Variants in SORCS1 observed in about 807,000 individuals in gnomAD.
The protein encoded by SORCS1 is sortilin related VPS10 domain containing receptor 1.
In SORCS1, 60 loss-of-function variants were observed where a neutral mutation model predicts 146.1. The ratio of observed to expected loss-of-function variants is 0.41; its 90% CI spans 0.33 to 0.51. The LOEUF (loss-of-function observed/expected upper bound fraction) is 0.51, where lower values mean the gene tolerates loss of function less well. Among genes scored for constraint, SORCS1 ranks in the 20% least tolerant of loss-of-function variants. SORCS1 has a pLI of 0.21. For synonymous variants in SORCS1, 637 were observed against 584.0 expected (o/e 1.09, Z -1.31); for missense variants, 1,352 against 1,487.6 (o/e 0.91, Z 1.50).
intron 4 of SORCS1, among the ~76,000 whole-genome samples, chr10:106,772,670 T>G (rs954833406): frequency 6.6e-6 from 1 of 152,166 alleles, no homozygotes; most frequent in Non-Finnish European, 1.5e-5. Flanking sequence ...TCTTCCCTGA[T>G]TAAAACCACC....
chr10:106,957,324 C>A (rs1427846232), intron 1 of SORCS1, among the ~76,000 whole-genome samples: 1 of 151,892 alleles, frequency 6.6e-6, no homozygotes, highest in Non-Finnish European at 1.5e-5. Context: ...CAGTTGCCCA[C>A]CACCACGCCC....
intron 2 of SORCS1, among the ~76,000 whole-genome samples, chr10:106,896,852 T>C (rs1951498989): frequency 6.6e-6 from 1 of 151,716 alleles, no homozygotes; most frequent in Non-Finnish European, 1.5e-5. Flanking sequence ...TCTGACACAT[T>C]ACTCACTCCA....
At chr10:106,755,398 C>T (rs1183468556) in intron 5 of SORCS1, among the ~76,000 whole-genome samples, 2 of 152,164 alleles carry the variant, frequency 1.3e-5, no homozygotes, top group African/African-American at 4.8e-5. Flanking sequence ...GGGATAATAA[C>T]CGCTACCATA....
chr10:106,970,191 C>T (rs1955702833), intron 1 of SORCS1: 1 of 152,176 alleles, frequency 6.6e-6, no homozygotes, highest in South Asian at 2.1e-4. Context: ...ATTACAATAC[C>T]ATTCAATGCG....
At chr10:106,609,621 C>G (rs969260662) in intron 22 of SORCS1, among the ~76,000 whole-genome samples, 2 of 152,184 alleles carry the variant, frequency 1.3e-5, no homozygotes, top group African/African-American at 4.8e-5. Context: ...GCCTTGAAAA[C>G]TAGAAGGTAT....
chr10:106,819,730 A>G (rs1397779040), intron 3 of SORCS1, among the ~76,000 whole-genome samples: 1 of 152,200 alleles, frequency 6.6e-6, no homozygotes, highest in African/African-American at 2.4e-5. Context: ...TTTCAACCAC[A>G]GCCATCAATA....
intron 18 of SORCS1, among the ~76,000 whole-genome samples, chr10:106,650,485 G>C (rs376051051): frequency 6.6e-6 from 1 of 152,102 alleles, no homozygotes; most frequent in African/African-American, 2.4e-5. Context: ...TATGTTTCCT[G>C]TGTTACTTGG....
At chr10:107,028,880 C>G (rs1451441163) in intron 1 of SORCS1, among the ~76,000 whole-genome samples, 1 of 152,192 alleles carries the variant, frequency 6.6e-6, no homozygotes, top group East Asian at 1.9e-4. Context: ...CCCCTGCAAG[C>G]CACTTAATCT....
At chr10:106,778,416 C>G (rs1242998494) in intron 3 of SORCS1, among the ~76,000 whole-genome samples, 1 of 152,034 alleles carries the variant, frequency 6.6e-6, no homozygotes, top group Non-Finnish European at 1.5e-5. Flanking sequence ...CTCTGTCTCA[C>G]ATTCACCAAG....
chr10:106,682,015 C>A (rs1450713896), intron 10 of SORCS1, among the ~76,000 whole-genome samples: 1 of 152,106 alleles, frequency 6.6e-6, no homozygotes, highest in Non-Finnish European at 1.5e-5. Context: ...GTAGTCCCAG[C>A]TACTCGGGAG....
At chr10:106,759,838 T>G (rs577878055) in intron 5 of SORCS1, among the ~76,000 whole-genome samples, 2 of 152,258 alleles carry the variant, frequency 1.3e-5, no homozygotes, top group South Asian at 4.1e-4. Context: ...AGGCATAAGA[T>G]TTACCTCCAA....
chr10:107,173,549 T>G, the SORCS1 span, among the ~76,000 whole-genome samples: 5 of 152,334 alleles, frequency 3.3e-5, no homozygotes, highest in East Asian at 9.6e-4. Context: ...AAGTTCTTAA[T>G]ATGATGTAAT....
chr10:106,828,464 G>T (rs1174692024), intron 3 of SORCS1, among the ~76,000 whole-genome samples: 1 of 152,154 alleles, frequency 6.6e-6, no homozygotes, highest in Non-Finnish European at 1.5e-5. Flanking sequence ...GAGAGTGATT[G>T]CTTAAGAGAT....
At chr10:107,011,305 C>T (rs1356446169) in intron 1 of SORCS1, among the ~76,000 whole-genome samples, 1 of 152,256 alleles carries the variant, frequency 6.6e-6, no homozygotes, top group East Asian at 1.9e-4. Flanking sequence ...ATGCCAATGC[C>T]GCCTCCTATG....
upstream of SORCS1, among the ~76,000 whole-genome samples, chr10:107,167,174 G>T (rs1251958475): frequency 1.3e-5 from 2 of 152,232 alleles, no homozygotes; most frequent in Non-Finnish European, 2.9e-5. Context: ...TAGATAGATG[G>T]ATTCATTTTA....
chr10:107,018,222 T>C (rs1480641780), intron 1 of SORCS1, among the ~76,000 whole-genome samples: 1 of 152,118 alleles, frequency 6.6e-6, no homozygotes, highest in Non-Finnish European at 1.5e-5. Flanking sequence ...TCGCCCAGGC[T>C]GGAGTGCAGT....
At chr10:106,713,718 T>C (rs138915040) in intron 6 of SORCS1, among the ~76,000 whole-genome samples, 1 of 152,278 alleles carries the variant, frequency 6.6e-6, no homozygotes, top group East Asian at 1.9e-4. Context: ...CGGCAGTATG[T>C]GGTTGCAACG....
rs573853018 is a variant in SORCS1 at position 106,748,270 on chromosome 10, T to G, written c.959+13318A>C. 2.6e-5 allele frequency among the ~76,000 whole-genome samples: 4 copies of G among 152,306 alleles called. No homozygotes were observed. In the East Asian group the frequency reaches 7.7e-4, roughly 29 times the overall value. On this transcript the variant is annotated intron_variant, in intron 5 of 25. Transcript: ENST00000263054. ...GCTCACTTCATGTCTCCGTGCCACATTTTGCTAATTTTTGCAATATTTCAA... is the reference window on the plus strand; with the variant it reads ...GCTCACTTCATGTCTCCGTGCCACAGTTTGCTAATTTTTGCAATATTTCAA...
Position 106,597,261 on chromosome 10 carries a change from A to G in SORCS1, c.3265+90T>C, listed in dbSNP as rs1296247628. ...GATTTGATTTCTGATTAGCATTGTTACCATCTAGCCTTTTTATGAGGAAGG... is the reference window on the plus strand; with the variant it reads ...GATTTGATTTCTGATTAGCATTGTTGCCATCTAGCCTTTTTATGAGGAAGG... On this transcript the variant is annotated intron_variant, in intron 24 of 25. Transcript: ENST00000263054. 3.0e-6 allele frequency: 3 copies of G among 999,940 alleles called. No individual in the cohort carries two copies. The Admixed American group carries it at 5.8e-5, about 19-fold the overall frequency. 61.9% of individuals were successfully genotyped at this position (999,940 alleles called of 1,614,324 possible).
Sources: allele counts gnomAD v4.1 joint callset (sites outside exome capture counted in the v4.1 genomes callset), GRCh38; gene constraint gnomAD v4.1.1; transcripts MANE v1.5; gene names NCBI Gene and HGNC (gene_info 2026-07-23, HGNC 2026-07-21).